Variants in LMOD1 observed in about 807,000 individuals in gnomAD.
LMOD1 encodes the protein leiomodin 1.
In LMOD1, 8 loss-of-function variants were observed where a neutral mutation model predicts 36.5. The ratio of observed to expected loss-of-function variants is 0.22; its 90% CI spans 0.13 to 0.40. LMOD1 has a LOEUF of 0.40. Ranked by LOEUF, LMOD1 falls within the 10% of genes least tolerant of loss-of-function variation. LMOD1 has a pLI of 1.00. For synonymous variants in LMOD1, 284 were observed against 288.7 expected, an observed-to-expected ratio of 0.98 and a Z score of 0.17; for missense variants, 630 against 751.1, an observed-to-expected ratio of 0.84 and a Z score of 1.88.
chr1:201,915,602 C>T (rs1218838274), intron 1 of LMOD1, among the ~76,000 whole-genome samples: 1 of 152,140 alleles, frequency 6.6e-6, no homozygotes, highest in Non-Finnish European at 1.5e-5. Context: ...AACGTGGACC[C>T]CTCTGCACCC....
intron 1 of LMOD1, among the ~76,000 whole-genome samples, chr1:201,901,512 ATATATATATATATATATG>A (rs1681301209): frequency 2.9e-5 from 1 of 35,000 alleles, no homozygotes; most frequent in Admixed American, 3.5e-4. Flanking sequence ...CAAAAAAAAA[ATATATATATATATATATG>A]TATATATATA....
chr1:201,936,989 T>A (rs932157283), intron 1 of LMOD1, among the ~76,000 whole-genome samples: 2 of 152,166 alleles, frequency 1.3e-5, no homozygotes, highest in African/African-American at 4.8e-5. Context: ...GTGAAGACCC[T>A]GACTACTTTG....
chr1:201,900,566 G>C lies in LMOD1; in HGVS notation c.447C>G (p.Pro149=). 1 of 1,613,528 alleles carries C rather than the reference G, an allele frequency of 6.2e-7. No homozygotes were observed. The highest frequency in any genetic ancestry group is 8.5e-7 in the Non-Finnish European group (1 of 1,179,812). ...TGCCCCGGATGATCTTCTCCTCCTT[G>C]GGCTTCTCGCCACTCTTGCCACCAG... The part of the protein sequence containing the change: ...DEAGGKSGEK[P]KEEKIIRGID... Residue 149 remains proline (P), a synonymous_variant, in exon 2 of 3, where the codon CCC becomes CCG. Coordinates refer to ENST00000367288, the MANE Select transcript of LMOD1 (RefSeq NM_012134.3).
At chr1:201,921,187 G>A (rs1212398415) in intron 1 of LMOD1, among the ~76,000 whole-genome samples, 2 of 151,336 alleles carry the variant, frequency 1.3e-5, no homozygotes, top group African/African-American at 2.4e-5. Flanking sequence ...TGCCTAACAG[G>A]TTGGCATTAA....
intron 1 of LMOD1, among the ~76,000 whole-genome samples, chr1:201,918,272 T>C (rs909335295): frequency 7.2e-5 from 11 of 152,120 alleles, no homozygotes; most frequent in African/African-American, 2.7e-4. Flanking sequence ...CTTCCTCACA[T>C]CCCCTCACCA....
At chr1:201,924,160 C>CAA (rs569997969) in intron 1 of LMOD1, among the ~76,000 whole-genome samples, 26 of 137,276 alleles carry the variant, frequency 1.9e-4, no homozygotes, top group East Asian at 6.3e-4. Context: ...AATAAAATAC[C>CAA]AAAAAAAAAA....
intron 1 of LMOD1, among the ~76,000 whole-genome samples, chr1:201,924,197 A>G (rs1314434709): frequency 4.0e-5 from 6 of 150,192 alleles, no homozygotes; most frequent in African/African-American, 7.3e-5. Flanking sequence ...GGTGGCGGGC[A>G]CCTATAGTCC....
intron 1 of LMOD1, among the ~76,000 whole-genome samples, chr1:201,920,202 G>A (rs1681681111): frequency 6.6e-6 from 1 of 151,668 alleles, no homozygotes; most frequent in Non-Finnish European, 1.5e-5. Flanking sequence ...TGGGATTACA[G>A]GCACCCACCA....
rs143422465 is a variant in LMOD1 at position 201,923,796 on chromosome 1, T to C, written c.261+22284A>G. Among the ~76,000 whole-genome samples, 280 of 151,190 alleles carry C rather than the reference T, an allele frequency of 1.9e-3. 1 individual carries two copies. The Middle Eastern group carries it at 0.027, about 15-fold the overall frequency. ...GGGAGAATCATATGAGGCCTAGAAG[T>C]CGAGGTCGCCTTGAGCTGTGATCGT... On this transcript the variant is annotated intron_variant, in intron 1 of 2. Transcript: ENST00000367288.
intron 1 of LMOD1, among the ~76,000 whole-genome samples, chr1:201,910,473 T>C (rs59694771): frequency 0.01 from 1,565 of 152,176 alleles, 31 homozygotes; most frequent in African/African-American, 0.036. Flanking sequence ...TTTCCAGAGA[T>C]GCATTTCACC....
At chr1:201,942,072 T>C (rs925030374) in intron 1 of LMOD1, among the ~76,000 whole-genome samples, 1 of 152,194 alleles carries the variant, frequency 6.6e-6, no homozygotes, top group Non-Finnish European at 1.5e-5. Context: ...AGTTCCCGGA[T>C]GATTAGGGCG....
chr1:201,926,690 C>CA (rs1194418937), intron 1 of LMOD1, among the ~76,000 whole-genome samples: 3 of 152,098 alleles, frequency 2.0e-5, no homozygotes, highest in Non-Finnish European at 4.4e-5. Context: ...ATCTCAACTA[C>CA]AAAAAGAAAA....
At chr1:201,929,092 G>GTTTA (rs985409173) in intron 1 of LMOD1, among the ~76,000 whole-genome samples, 16 of 148,186 alleles carry the variant, frequency 1.1e-4, no homozygotes, top group African/African-American at 4.2e-4. Context: ...TTATTTATTT[G>GTTTA]TTTATTTATT....
intron 1 of LMOD1, among the ~76,000 whole-genome samples, chr1:201,910,377 G>A (rs1448426421): frequency 6.6e-6 from 1 of 151,590 alleles, no homozygotes; most frequent in Non-Finnish European, 1.5e-5. Context: ...AGGCTCAAGC[G>A]ATCTTCCCAC....
At position 201,897,180 on chromosome 1, in the gene LMOD1, A is replaced by G. The variant is rs1452509266; in HGVS notation, c.*1192T>C. 14 of 213,548 alleles carry G rather than the reference A, an allele frequency of 6.6e-5. No homozygotes were observed. Among genetic ancestry groups the G allele is most frequent in the Non-Finnish European group, 1.2e-4 (12 of 103,520 alleles). The allele number at this position is 213,548 out of a possible 1,614,324, so 13.2% of individuals were successfully genotyped here. A position where few individuals can be genotyped will look rare whatever the true frequency, so the allele number is the denominator to read the frequency against. Reference sequence around the variant, plus strand: ...CCCCTCTGAGCCCTAGGGCACACAGATATGGGTGCTATTCTCCAAATAGTC... The same window carrying G: ...CCCCTCTGAGCCCTAGGGCACACAGGTATGGGTGCTATTCTCCAAATAGTC... On this transcript the variant is annotated 3_prime_UTR_variant, in exon 3 of 3. Transcript: ENST00000367288.
intron 1 of LMOD1, among the ~76,000 whole-genome samples, chr1:201,933,540 T>A (rs1330833149): frequency 1.1e-5 from 1 of 94,150 alleles, no homozygotes; most frequent in Admixed American, 1.3e-4. Context: ...TCTATATATA[T>A]AATACATATA....
At chr1:201,904,052 A>G (rs1224505606) in intron 1 of LMOD1, among the ~76,000 whole-genome samples, 2 of 152,148 alleles carry the variant, frequency 1.3e-5, no homozygotes, top group South Asian at 4.1e-4. Context: ...CCCACCCAGC[A>G]TCCCTGGAGT....
intron 1 of LMOD1, among the ~76,000 whole-genome samples, chr1:201,901,660 G>GTA (rs370946496): frequency 0.011 from 904 of 85,596 alleles, 75 homozygotes; most frequent in African/African-American, 0.033. Flanking sequence ...ATATATATGT[G>GTA]TATATATATA....
intron 1 of LMOD1, among the ~76,000 whole-genome samples, chr1:201,920,841 C>A (rs548109579): frequency 8.6e-5 from 13 of 151,548 alleles, no homozygotes; most frequent in African/African-American, 2.9e-4. Flanking sequence ...CCAGCCTGGG[C>A]AACATAGTGT....
Sources: allele counts gnomAD v4.1 joint callset (sites outside exome capture counted in the v4.1 genomes callset), GRCh38; gene constraint gnomAD v4.1.1; transcripts MANE v1.5; gene names NCBI Gene and HGNC (gene_info 2026-07-23, HGNC 2026-07-21).